The following CRTAC1 variants were observed in gnomAD, a reference collection of about 807,000 sequenced individuals.
CRTAC1 encodes acidic secreted protein in cartilage.
CRTAC1 carries 37 observed loss-of-function variants against 67.8 expected under a neutral mutation model. The observed-to-expected ratio is 0.55, with a 90% CI of 0.42 to 0.72. The LOEUF (loss-of-function observed/expected upper bound fraction) is 0.72. Ranked by LOEUF, CRTAC1 falls within the 30% of genes least tolerant of loss-of-function variation. CRTAC1 has a pLI of 0.00. For synonymous variants in CRTAC1, 348 were observed against 371.0 expected (o/e 0.94, Z 0.71); for missense variants, 780 against 931.6 (o/e 0.84, Z 2.12).
intron 2 of CRTAC1, among the ~76,000 whole-genome samples, chr10:97,986,333 T>A (rs899794060): frequency 2.0e-5 from 3 of 152,176 alleles, no homozygotes; most frequent in Admixed American, 6.5e-5. Flanking sequence ...AGTGGTTTGA[T>A]CTATCAGAGA....
rs141533036 is a variant in CRTAC1, at chr10:97,947,341, G to A, written c.225-10975C>T. On this transcript the variant is annotated intron_variant, in intron 2 of 14. Coordinates refer to ENST00000370597, the MANE Select transcript of CRTAC1 (RefSeq NM_018058.7). ...AATCCCAAGCTTTCAGAGGGCAGAG[G>A]GCCAAAAATTGTTGGGGTAAAAGTT... 7.0e-3 allele frequency among the ~76,000 whole-genome samples: 1,066 copies of A among 152,252 alleles called. 5 individuals are homozygous for A. The highest frequency in any genetic ancestry group is 0.012 in the Non-Finnish European group (824 of 68,014).
At chr10:98,016,098 G>A (rs1842991145) in intron 1 of CRTAC1, among the ~76,000 whole-genome samples, 1 of 152,304 alleles carries the variant, frequency 6.6e-6, no homozygotes, top group Admixed American at 6.5e-5. Flanking sequence ...GAGTGACAAA[G>A]AGGGATTCTG....
intron 2 of CRTAC1, among the ~76,000 whole-genome samples, chr10:98,003,287 A>T (rs1842727766): frequency 6.6e-6 from 1 of 152,198 alleles, no homozygotes; most frequent in Admixed American, 6.5e-5. Flanking sequence ...GCTTTGAAAA[A>T]TTGCAATGAA....
chr10:97,944,787 T>C (rs950939853), intron 2 of CRTAC1, among the ~76,000 whole-genome samples: 15 of 133,278 alleles, frequency 1.1e-4, no homozygotes, highest in African/African-American at 3.9e-4. Context: ...CCAGTTACCA[T>C]ATACAAAATT....
chr10:97,954,553 G>A (rs1483881369), intron 2 of CRTAC1, among the ~76,000 whole-genome samples: 1 of 152,170 alleles, frequency 6.6e-6, no homozygotes, highest in South Asian at 2.1e-4. Context: ...GAATGAGGAG[G>A]ACACCATGAA....
chr10:97,978,614 C>T (rs531650310), intron 2 of CRTAC1, among the ~76,000 whole-genome samples: 2 of 152,280 alleles, frequency 1.3e-5, no homozygotes, highest in African/African-American at 4.8e-5. Context: ...TTGATGGCTT[C>T]CTCAAGGTTT....
chr10:97,921,945 T>G (rs1425733572), intron 4 of CRTAC1, among the ~76,000 whole-genome samples: 1 of 151,760 alleles, frequency 6.6e-6, no homozygotes, highest in Non-Finnish European at 1.5e-5. Context: ...TGTCCTGTGG[T>G]TAAATGCGTG....
chr10:98,016,778 G>T (rs966417329), intron 1 of CRTAC1, among the ~76,000 whole-genome samples: 4 of 152,114 alleles, frequency 2.6e-5, no homozygotes, highest in Non-Finnish European at 5.9e-5. Flanking sequence ...ATGGGAAGCT[G>T]CAATCTGATT....
At chr10:97,893,183 A>AGT (rs1338613925) in intron 11 of CRTAC1, among the ~76,000 whole-genome samples, 2 of 152,230 alleles carry the variant, frequency 1.3e-5, no homozygotes, top group African/African-American at 4.8e-5. Flanking sequence ...GTCTAGAATA[A>AGT]GTGAGAGTTA....
At chr10:97,989,291 CAG>C (rs1842388535) in intron 2 of CRTAC1, among the ~76,000 whole-genome samples, 1 of 152,280 alleles carries the variant, frequency 6.6e-6, no homozygotes, top group East Asian at 1.9e-4. Flanking sequence ...AACGCACACA[CAG>C]AGTCATATGT....
At chr10:97,929,775 C>G (rs2050975358) in intron 3 of CRTAC1, among the ~76,000 whole-genome samples, 1 of 152,226 alleles carries the variant, frequency 6.6e-6, no homozygotes, top group Non-Finnish European at 1.5e-5. Context: ...ACAACACCGT[C>G]ACCATCACCA....
In CRTAC1 at chr10:98,029,708, C is replaced by T. The variant is rs959224707; in HGVS notation, c.24+741G>A. ...TCCCAACTACTGTACTGCAAAGAAGCGCGCTGCATTGCTGGGCATGCCCCC... is the reference window on the plus strand; with the variant it reads ...TCCCAACTACTGTACTGCAAAGAAGTGCGCTGCATTGCTGGGCATGCCCCC... On this transcript the variant is annotated intron_variant, in intron 1 of 14. Coordinates refer to ENST00000370597, the MANE Select transcript of CRTAC1 (RefSeq NM_018058.7). This position sits in a 1 kb window ranked among gnomAD's most constrained non-coding sequence, Gnocchi z 4.7. Among the ~76,000 whole-genome samples the T allele has an allele frequency of 1.3e-5, 2 of 152,226 alleles. No individual in the cohort carries two copies. Among genetic ancestry groups the T allele is most frequent in the African/African-American group, 4.8e-5 (2 of 41,462 alleles).
At chr10:97,990,738 GC>G (rs1842430891) in intron 2 of CRTAC1, among the ~76,000 whole-genome samples, 1 of 152,204 alleles carries the variant, frequency 6.6e-6, no homozygotes, top group African/African-American at 2.4e-5. Flanking sequence ...TCAGCAAGGT[GC>G]CTTGCACATG....
intron 5 of CRTAC1, among the ~76,000 whole-genome samples, chr10:97,909,519 G>A (rs2136576980): frequency 6.6e-6 from 1 of 152,272 alleles, no homozygotes; most frequent in East Asian, 1.9e-4. Flanking sequence ...AGATGCACCT[G>A]TCAGAATGAC....
At chr10:97,909,360 C>T (rs187312176) in intron 5 of CRTAC1, among the ~76,000 whole-genome samples, 24 of 152,294 alleles carry the variant, frequency 1.6e-4, no homozygotes, top group African/African-American at 3.4e-4. Flanking sequence ...GATCAAGACA[C>T]GGCTTCTAGC....
chr10:97,919,595 T>G (rs2050806857), intron 4 of CRTAC1, among the ~76,000 whole-genome samples: 1 of 152,068 alleles, frequency 6.6e-6, no homozygotes, highest in Admixed American at 6.5e-5. Flanking sequence ...CAAATCTTGC[T>G]ACTCAAAGTG....
At chr10:98,025,329 T>TACTA (rs144060899) in intron 1 of CRTAC1, among the ~76,000 whole-genome samples, 86 of 152,268 alleles carry the variant, frequency 5.6e-4, no homozygotes, top group African/African-American at 2.1e-3. Flanking sequence ...ACCTAGTGGA[T>TACTA]ACTAGTAGCA....
intron 2 of CRTAC1, among the ~76,000 whole-genome samples, chr10:97,982,130 A>T (rs2051901585): frequency 6.6e-6 from 1 of 152,170 alleles, no homozygotes; most frequent in Non-Finnish European, 1.5e-5. Context: ...ATTCTTTCAT[A>T]CCTTATCTGA....
rs149933855 is a variant in CRTAC1 at position 97,895,103 on chromosome 10, T to C, written c.1486+142A>G. On this transcript the variant is annotated intron_variant, in intron 11 of 14. Transcript: ENST00000370597. The surrounding 1 kb of genome is among the most constrained non-coding windows in gnomAD (Gnocchi z 4.2). ...TCTTGAGCTCAGGCTCATCTCAGAG[T>C]AGGGTTTGTCCCCAGTAGCTGGTGT... 4.2e-4 allele frequency: 323 copies of C among 765,824 alleles called. 3 individuals are homozygous for C. The East Asian group carries it at 9.5e-3, about 23-fold the overall frequency. The allele number at this position is 765,824 out of a possible 1,614,324, so 47.4% of individuals were successfully genotyped here. A position where few individuals can be genotyped will look rare whatever the true frequency, so the allele number is the denominator to read the frequency against.
Sources: allele counts gnomAD v4.1 joint callset (sites outside exome capture counted in the v4.1 genomes callset), GRCh38; gene constraint gnomAD v4.1.1; non-coding constraint Gnocchi (gnomAD v3.1); transcripts MANE v1.5; gene names NCBI Gene and HGNC (gene_info 2026-07-23, HGNC 2026-07-21).